KAZN: variants seen among roughly 807,000 people sequenced by gnomAD.
KAZN encodes the protein kazrin, periplakin interacting protein.
Under a neutral mutation model 87.4 loss-of-function variants are expected in KAZN, and 40 were observed. That is an observed-to-expected ratio of 0.46 (90% confidence interval 0.36 to 0.60). The LOEUF (loss-of-function observed/expected upper bound fraction) is 0.60. Among genes scored for constraint, KAZN ranks in the 20% least tolerant of loss-of-function variants. The pLI, the probability that KAZN is intolerant of heterozygous loss-of-function variation, is 0.00. For synonymous variants in KAZN, 466 were observed against 458.3 expected, an observed-to-expected ratio of 1.02 and a Z score of -0.22; for missense variants, 898 against 1,073.9, an observed-to-expected ratio of 0.84 and a Z score of 2.29.
intron 1 of KAZN, among the ~76,000 whole-genome samples, chr1:14,880,871 T>C (rs1009384660): frequency 5.9e-5 from 9 of 152,168 alleles, no homozygotes; most frequent in Admixed American, 2.0e-4. Flanking sequence ...CTGGTCAGAG[T>C]AGACACATGC....
At chr1:14,635,016 C>T (rs548868506) in intron 1 of KAZN, among the ~76,000 whole-genome samples, 1 of 152,106 alleles carries the variant, frequency 6.6e-6, no homozygotes, top group African/African-American at 2.4e-5. Context: ...TCATTTTCCC[C>T]GTCCATAAAA....
At chr1:15,033,733 C>T (rs1671967398) in intron 2 of KAZN, among the ~76,000 whole-genome samples, 1 of 152,086 alleles carries the variant, frequency 6.6e-6, no homozygotes. Context: ...AGATCCTTTG[C>T]CCATTTTGTT....
chr1:14,567,226 G>A (rs1326838161), intron 2 of KAZN, among the ~76,000 whole-genome samples: 1 of 152,158 alleles, frequency 6.6e-6, no homozygotes, highest in Non-Finnish European at 1.5e-5. Flanking sequence ...TCAGGGAATA[G>A]GGAGGCCCTA....
chr1:14,142,066 T>C (rs1645251893), intron 1 of KAZN, among the ~76,000 whole-genome samples: 2 of 152,156 alleles, frequency 1.3e-5, no homozygotes, highest in African/African-American at 2.4e-5. Flanking sequence ...GTTGTTCTCT[T>C]TGTTCCTGCC....
chr1:15,062,007 G>T (rs1638836318), intron 6 of KAZN: 1 of 152,172 alleles, frequency 6.6e-6, no homozygotes, highest in African/African-American at 2.4e-5. Context: ...CCTACAGCCA[G>T]CAGTGTCCCT....
intron 2 of KAZN, among the ~76,000 whole-genome samples, chr1:14,489,775 A>C (rs75429775): frequency 0.037 from 4,967 of 133,044 alleles, 108 homozygotes; most frequent in Admixed American, 0.064. Flanking sequence ...ATAATAATGA[A>C]TACACTGTTT....
chr1:14,622,552 G>A (rs906393512), intron 1 of KAZN, among the ~76,000 whole-genome samples: 6 of 151,892 alleles, frequency 4.0e-5, no homozygotes, highest in Admixed American at 6.6e-5. Flanking sequence ...TTAGCCGGGC[G>A]TGGTGGCGGG....
chr1:14,828,724 G>A (rs1335369022), intron 1 of KAZN, among the ~76,000 whole-genome samples: 2 of 152,128 alleles, frequency 1.3e-5, no homozygotes, highest in Non-Finnish European at 2.9e-5. Context: ...AAAATGCTGT[G>A]GTTGGTAGCA....
At position 15,094,183 on chromosome 1, in the gene KAZN, C is replaced by G; in HGVS notation, c.1226C>G (p.Ser409Trp). Residue 409 changes from serine (S) to tryptophan (W), a missense_variant, in exon 9 of 15, where the codon TCG becomes TGG. Transcript: ENST00000376030. The surrounding 1 kb of genome is among the most constrained non-coding windows in gnomAD (Gnocchi z 4.5). ...KSLDPGLFDD[S>W]DSQCSPTRQS... ...GGCCTGCACTTGTGTGTTGCAGACT[C>G]GGACAGCCAGTGCAGCCCCACGCGG... 1 of 1,612,766 alleles carries G rather than the reference C, an allele frequency of 6.2e-7. No homozygotes were observed. Among genetic ancestry groups the G allele is most frequent in the African/African-American group, 1.3e-5 (1 of 75,024 alleles).
intron 1 of KAZN, among the ~76,000 whole-genome samples, chr1:13,976,187 C>A (rs1638349648): frequency 6.6e-6 from 1 of 152,146 alleles, no homozygotes; most frequent in Non-Finnish European, 1.5e-5. Context: ...CAATAATGAC[C>A]ATTCTGTCTA....
At chr1:14,714,650 A>G (rs1408739419) in intron 1 of KAZN, among the ~76,000 whole-genome samples, 2 of 152,196 alleles carry the variant, frequency 1.3e-5, no homozygotes, top group African/African-American at 4.8e-5. Context: ...GCTGCTGGAC[A>G]TAAGAACAGC....
intron 2 of KAZN, among the ~76,000 whole-genome samples, chr1:14,464,116 C>T (rs1432452700): frequency 1.3e-5 from 2 of 152,224 alleles, no homozygotes; most frequent in Non-Finnish European, 2.9e-5. Context: ...TCTTTCAGAA[C>T]ATTAATCCAC....
At chr1:14,096,286 G>T (rs370932281) in intron 1 of KAZN, among the ~76,000 whole-genome samples, 1 of 152,086 alleles carries the variant, frequency 6.6e-6, no homozygotes, top group East Asian at 1.9e-4. Context: ...TGCAACCAGG[G>T]GTATAAAGGG....
chr1:14,585,011 C>T (rs1675767786), intron 2 of KAZN, among the ~76,000 whole-genome samples: 1 of 152,108 alleles, frequency 6.6e-6, no homozygotes, highest in African/African-American at 2.4e-5. Context: ...TAATCCAACA[C>T]AACTGGTGTC....
intron 8 of KAZN, among the ~76,000 whole-genome samples, chr1:15,092,062 TTTTTTTTTTGA>T (rs1640564033): frequency 6.7e-6 from 1 of 149,710 alleles, no homozygotes; most frequent in African/African-American, 2.5e-5. Context: ...GTTTTTTTGT[TTTTTTTTTTGA>T]TTTTTTTTTT....
chr1:15,087,821 G>A (rs986481032), intron 8 of KAZN, among the ~76,000 whole-genome samples: 4 of 152,314 alleles, frequency 2.6e-5, no homozygotes, highest in South Asian at 4.1e-4. Flanking sequence ...CCTCCACTCC[G>A]TCACTGAGTA....
chr1:14,512,239 C>A (rs555195179), intron 2 of KAZN, among the ~76,000 whole-genome samples: 9 of 152,048 alleles, frequency 5.9e-5, no homozygotes, highest in African/African-American at 2.2e-4. Context: ...TTTGGAGGGA[C>A]GATGTGAATT....
chr1:14,894,726 G>A (rs2101193319), intron 1 of KAZN, among the ~76,000 whole-genome samples: 1 of 152,364 alleles, frequency 6.6e-6, no homozygotes, highest in African/African-American at 2.4e-5. Flanking sequence ...GTACACAGTA[G>A]GTGCTGAGTA....
chr1:14,715,250 T>C (rs1254271839), intron 1 of KAZN, among the ~76,000 whole-genome samples: 3 of 152,176 alleles, frequency 2.0e-5, no homozygotes, highest in African/African-American at 7.2e-5. Context: ...AGCCCCAGAA[T>C]AGTGGCTGGA....
Sources: gnomAD v4.1 joint callset for allele counts (sites outside exome capture counted in the v4.1 genomes callset) on GRCh38, gnomAD v4.1.1 for gene constraint, Gnocchi (gnomAD v3.1) non-coding constraint, MANE v1.5 for transcripts, NCBI Gene and HGNC (gene_info 2026-07-23, HGNC 2026-07-21) for gene names.